Variants in CIT observed in about 807,000 individuals in gnomAD.
The protein encoded by CIT is citron Rho-interacting kinase.
In CIT, 79 loss-of-function variants were observed where a neutral mutation model predicts 272.7. The observed-to-expected ratio is 0.29, with a 90% CI of 0.24 to 0.35. The LOEUF is 0.35. Ranked by LOEUF, CIT falls within the 10% of genes least tolerant of loss-of-function variation. CIT has a pLI of 1.00. For synonymous variants in CIT, 948 were observed against 995.6 expected, an observed-to-expected ratio of 0.95 and a Z score of 0.90; for missense variants, 1,909 against 2,618.3, an observed-to-expected ratio of 0.73 and a Z score of 5.91.
intron 10 of CIT, among the ~76,000 whole-genome samples, chr12:119,786,024 C>T (rs376241161): frequency 1.3e-5 from 2 of 152,250 alleles, no homozygotes; most frequent in East Asian, 3.9e-4. Flanking sequence ...TCTGTTTGAA[C>T]GCTAGATATA....
Position 119,825,176 on chromosome 12 carries a change from T to C in CIT, c.946A>G (p.Met316Val). ...GTSARTFNNI[M>V]NFQRFLKFPD... ...TAAGGACTCTTTACCTGGAAATTCA[T>C]AATGTTATTGAAGGTTCTGGCAGAG... The change falls in exon 8 of 48, where the codon ATG (methionine) becomes GTG (valine). Residue 316 changes from methionine to valine, a missense_variant. This residue lies in a region of CIT where 529 missense variants were observed against 549.6 expected (regional missense o/e 0.96). Transcript: ENST00000392521. 6.2e-7 allele frequency: 1 copy of C among 1,612,984 alleles called. No individual in the cohort carries two copies. Among genetic ancestry groups the C allele is most frequent in the East Asian group, 2.2e-5 (1 of 44,870 alleles).
chr12:119,836,911 T>C (rs1426960987), intron 5 of CIT, among the ~76,000 whole-genome samples: 1 of 152,220 alleles, frequency 6.6e-6, no homozygotes, highest in East Asian at 1.9e-4. Flanking sequence ...TTTGCTTCCA[T>C]TCAGAAGATC....
chr12:119,734,355 C>T lies in CIT; in HGVS notation c.3159G>A (p.Thr1053=), dbSNP rs199530958. The T allele has an allele frequency of 4.7e-5, 76 of 1,612,704 alleles. No individual in the cohort carries two copies. In the South Asian group the frequency reaches 6.1e-4, roughly 13 times the overall value. The change falls in exon 26 of 48, where the codon ACG becomes ACA. Residue 1053 remains threonine (T), a splice_region_variant and synonymous_variant. Coordinates refer to ENST00000392521, the MANE Select transcript of CIT (RefSeq NM_001206999.2). The part of the protein sequence containing the change: ...REMQLTSQKQ[T]MEALKTTCTM... ...TGCACGTGGTCTTCAGAGCCTCCAT[C>T]GTCTGCAAATCAGTAGCACTGATTT... is the stretch of plus-strand genomic sequence containing the variant.
intron 20 of CIT, among the ~76,000 whole-genome samples, chr12:119,758,918 G>A (rs1367247371): frequency 3.3e-5 from 5 of 152,184 alleles, no homozygotes; most frequent in Non-Finnish European, 5.9e-5. Flanking sequence ...CTGGCTAAGT[G>A]GCTTGCATTT....
intron 5 of CIT, among the ~76,000 whole-genome samples, chr12:119,843,882 G>C (rs1260775166): frequency 6.6e-6 from 1 of 152,140 alleles, no homozygotes; most frequent in Non-Finnish European, 1.5e-5. Context: ...GTTTGTTGAT[G>C]TAAAAGTGGC....
intron 9 of CIT, among the ~76,000 whole-genome samples, chr12:119,811,943 A>ATTT (rs35887106): frequency 6.9e-5 from 9 of 129,802 alleles, no homozygotes; most frequent in Non-Finnish European, 1.1e-4. Context: ...TTCCCCAGGA[A>ATTT]TTTTTTTTTT....
rs34227143 is a variant in CIT at position 119,804,513 on chromosome 12, GC to G, written c.1112-1125del. On this transcript the variant is annotated intron_variant, in intron 9 of 47. Transcript: ENST00000392521. This position sits in a 1 kb window ranked among gnomAD's most constrained non-coding sequence, Gnocchi z 5.3. The stretch of plus-strand genomic sequence containing the variant: ...CAGTGACAGAGCAGCATGAGTCACT[GC>G]CCGCCAGGGCTCGCTAGAGCTCCCC... The G allele has an allele frequency of 0.056, 55,442 of 984,538 alleles. 1,739 individuals carry two copies. The highest frequency in any genetic ancestry group is 0.11 in the Admixed American group (1,848 of 16,278). 61.0% of individuals were successfully genotyped at this position (984,538 alleles called of 1,614,324 possible).
intron 2 of CIT, among the ~76,000 whole-genome samples, chr12:119,871,552 G>A (rs1239634346): frequency 6.6e-6 from 1 of 152,032 alleles, no homozygotes; most frequent in Non-Finnish European, 1.5e-5. Context: ...CCTAGAATCT[G>A]TTTTATTAAC....
At position 119,712,460 on chromosome 12, in the gene CIT, G is replaced by A. The variant is rs1337717690; in HGVS notation, c.4685-113C>T. On this transcript the variant is annotated intron_variant, in intron 36 of 47. Transcript: ENST00000392521. The surrounding 1 kb of genome is among the most constrained non-coding windows in gnomAD (Gnocchi z 5.2). ...CCAAACCACGCAAATCCCAGTTACC[G>A]CCAAGGCGGGGAGCGGAGGAAGATG... 16 of 1,408,666 alleles carry A rather than the reference G, an allele frequency of 1.1e-5. No homozygotes were observed. Among genetic ancestry groups the A allele is most frequent in the East Asian group, 6.9e-5 (3 of 43,684 alleles). 87.3% of individuals were successfully genotyped at this position (1,408,666 alleles called of 1,614,324 possible).
intron 22 of CIT, among the ~76,000 whole-genome samples, chr12:119,754,609 G>T (rs187896778): frequency 4.9e-4 from 75 of 152,338 alleles, no homozygotes; most frequent in African/African-American, 1.7e-3. Context: ...ACACAAAGTT[G>T]GGGGAAGGCC....
intron 4 of CIT, among the ~76,000 whole-genome samples, chr12:119,854,950 C>CTAAA (rs58538833): frequency 0.049 from 7,373 of 151,800 alleles, 350 homozygotes; most frequent in African/African-American, 0.12. Flanking sequence ...GACTCATTCT[C>CTAAA]TAAATAAATA....
At chr12:119,794,252 G>A (rs1466513733) in intron 10 of CIT, among the ~76,000 whole-genome samples, 1 of 151,764 alleles carries the variant, frequency 6.6e-6, no homozygotes, top group Admixed American at 6.6e-5. Flanking sequence ...TTAAGGACTA[G>A]AACAATATAT....
chr12:119,790,574 T>A (rs1188650691), intron 10 of CIT, among the ~76,000 whole-genome samples: 1 of 151,938 alleles, frequency 6.6e-6, no homozygotes, highest in Non-Finnish European at 1.5e-5. Flanking sequence ...AGCGTGTGTG[T>A]GAGAGAGAGA....
At position 119,804,288 on chromosome 12, in the gene CIT, G is replaced by C. The variant is rs1966456161; in HGVS notation, c.1112-899C>G. 8 of 985,506 alleles carry C rather than the reference G, an allele frequency of 8.1e-6. No individual in the cohort carries two copies. The South Asian group carries it at 3.8e-4, about 46-fold the overall frequency. 61.0% of individuals were successfully genotyped at this position (985,506 alleles called of 1,614,324 possible). ...AGTCACCAGGAGGCTGCCCATCGCG[G>C]TGGGCTCCCGGGGGTGTCCCCCGCC... On this transcript the variant is annotated intron_variant, in intron 9 of 47. Coordinates refer to ENST00000392521, the MANE Select transcript of CIT (RefSeq NM_001206999.2). The surrounding 1 kb of genome is among the most constrained non-coding windows in gnomAD (Gnocchi z 5.3).
Position 119,770,370 on chromosome 12 carries a change from T to C in CIT, c.2208+415A>G, listed in dbSNP as rs1207071215. 6.6e-6 allele frequency among the ~76,000 whole-genome samples: 1 copy of C among 152,184 alleles called. No individual in the cohort carries two copies. Among genetic ancestry groups the C allele is most frequent in the Non-Finnish European group, 1.5e-5 (1 of 68,038 alleles). On this transcript the variant is annotated intron_variant, in intron 18 of 47. Transcript: ENST00000392521. This position sits in a 1 kb window ranked among gnomAD's most constrained non-coding sequence, Gnocchi z 4.4. The stretch of plus-strand genomic sequence containing the variant: ...AATTCTGTATGACTAATTGCTTTCT[T>C]CTCTAAAAGCAAGAATCTGAATTTC...
intron 24 of CIT, among the ~76,000 whole-genome samples, chr12:119,737,293 C>G (rs1298737013): frequency 1.2e-5 from 1 of 82,118 alleles, no homozygotes; most frequent in Admixed American, 2.1e-4. Context: ...GGTGACAGAG[C>G]AAGATTCCAT....
At position 119,764,649 on chromosome 12, in the gene CIT, A is replaced by G. The variant is rs543391044; in HGVS notation, c.2304+2438T>C. Among the ~76,000 whole-genome samples, 6 of 151,870 alleles carry G rather than the reference A, an allele frequency of 4.0e-5. No homozygotes were observed. The East Asian group carries it at 7.7e-4, about 20-fold the overall frequency. On this transcript the variant is annotated intron_variant, in intron 19 of 47. Transcript: ENST00000392521. Reference sequence around the variant, plus strand: ...GAAAGAAAGAAAAGAAAAAACCTCAATGGAACAGCAGATTAGACACAGCTA... The same window carrying G: ...GAAAGAAAGAAAAGAAAAAACCTCAGTGGAACAGCAGATTAGACACAGCTA...
At chr12:119,735,087 G>A in intron 25 of CIT, 73 bp downstream of exon 25, 1 of 1,430,472 alleles carries the variant, frequency 7.0e-7, no homozygotes, top group South Asian at 1.2e-5. Flanking sequence ...ACCCTTGGGA[G>A]AACGCACCAA....
chr12:119,696,654 G>A (rs1181048442), intron 46 of CIT, among the ~76,000 whole-genome samples: 1 of 152,136 alleles, frequency 6.6e-6, no homozygotes, highest in Non-Finnish European at 1.5e-5. Context: ...AGCCTCCAGA[G>A]TAGCCGGGAT....
Sources: allele counts gnomAD v4.1 joint callset (sites outside exome capture counted in the v4.1 genomes callset), GRCh38; gene constraint gnomAD v4.1.1; regional missense constraint gnomAD v4.1.1; non-coding constraint Gnocchi (gnomAD v3.1); transcripts MANE v1.5; gene names NCBI Gene and HGNC (gene_info 2026-07-23, HGNC 2026-07-21).